RYR2: variants seen among roughly 807,000 people sequenced by gnomAD.
The protein encoded by RYR2 is ryanodine receptor 2, also known as cardiac muscle ryanodine receptor-calcium release channel.
In RYR2, 227 loss-of-function variants were observed where a neutral mutation model predicts 601.1. The observed-to-expected ratio is 0.38, with a 90% CI of 0.34 to 0.42. The LOEUF (loss-of-function observed/expected upper bound fraction) is 0.42. Among genes scored for constraint, RYR2 ranks in the 10% least tolerant of loss-of-function variants. RYR2 has a pLI of 1.00. For missense variants in RYR2, 4,646 were observed against 6,156.5 expected, an observed-to-expected ratio of 0.75 and a Z score of 8.21; for synonymous variants, 2,223 against 2,175.1, an observed-to-expected ratio of 1.02 and a Z score of -0.61.
In RYR2 at chr1:237,628,014, A is replaced by G. The variant is rs1381877182; in HGVS notation, c.6374A>G (p.Gln2125Arg). The G allele has an allele frequency of 1.2e-6, 2 of 1,613,948 alleles. No individual in the cohort carries two copies. Among genetic ancestry groups the G allele is most frequent in the Admixed American group, 3.3e-5 (2 of 59,994 alleles). ...ATCAACCTGCTGGCATCCCTTGGTC[A>G]GATTCGGTCCCTGCTGAGTGTGAGA... ...DTINLLASLG[Q>R]IRSLLSVRMG... Residue 2125 changes from glutamine to arginine, a missense_variant, in exon 41 of 105, where the codon CAG becomes CGG. Coordinates refer to ENST00000366574, the MANE Select transcript of RYR2 (RefSeq NM_001035.3).
intron 1 of RYR2, among the ~76,000 whole-genome samples, chr1:237,107,646 C>T (rs1010867133): frequency 6.6e-6 from 1 of 152,132 alleles, no homozygotes; most frequent in African/African-American, 2.4e-5. Context: ...ATTCCTGGCT[C>T]AGAGTTGGTG....
intron 1 of RYR2, among the ~76,000 whole-genome samples, chr1:237,081,153 A>C (rs1665567981): frequency 8.7e-6 from 1 of 115,052 alleles, no homozygotes. Flanking sequence ...GGGGGGAGGG[A>C]TAGCATTGGA....
chr1:237,112,254 C>T (rs1447748251), intron 1 of RYR2, among the ~76,000 whole-genome samples: 1 of 152,166 alleles, frequency 6.6e-6, no homozygotes, highest in East Asian at 1.9e-4. Context: ...GCTGGGATTA[C>T]AAGCGTCCAC....
At chr1:237,372,421 G>A (rs1700712830) in intron 6 of RYR2, among the ~76,000 whole-genome samples, 2 of 152,168 alleles carry the variant, frequency 1.3e-5, no homozygotes, top group Admixed American at 6.5e-5. Flanking sequence ...GTGAAATGCT[G>A]AAGCCATTTT....
intron 3 of RYR2, among the ~76,000 whole-genome samples, chr1:237,340,142 C>T (rs1229943729): frequency 1.3e-5 from 2 of 152,240 alleles, no homozygotes; most frequent in East Asian, 3.9e-4. Context: ...ATATTTGGGA[C>T]CCTCCATGTT....
rs115831905 is a variant in RYR2 at position 237,236,768 on chromosome 1, G to A, written c.49-33729G>A. 4.5e-3 allele frequency among the ~76,000 whole-genome samples: 689 copies of A among 152,252 alleles called. 7 individuals are homozygous for A. Among genetic ancestry groups the A allele is most frequent in the African/African-American group, 0.015 (642 of 41,546 alleles). On this transcript the variant is annotated intron_variant, in intron 1 of 104. Transcript: ENST00000366574. The stretch of plus-strand genomic sequence containing the variant: ...TGGAAACTCTTAATAATGGGATGGC[G>A]TGCTTTGAGATATCATGTTGAGGAA...
Position 237,566,552 on chromosome 1 carries a change from C to T in RYR2, c.3215-15C>T, listed in dbSNP as rs758554871. On this transcript the variant is annotated splice_polypyrimidine_tract_variant and intron_variant, in intron 27 of 104. Coordinates refer to ENST00000366574, the MANE Select transcript of RYR2 (RefSeq NM_001035.3). ...CCCATCCAATGACCACCAGAAATCT[C>T]TGTCCATTTCCCAGCAGCCAGAGCC... 1 of 1,609,952 alleles carries T rather than the reference C, an allele frequency of 6.2e-7. No homozygotes were observed. The highest frequency in any genetic ancestry group is 8.5e-7 in the Non-Finnish European group (1 of 1,176,724).
rs1299595401 is a variant in RYR2, at chr1:237,054,163, T to TCCTCCCTCCCTCCTTC, written c.48+11606_48+11621dup. On this transcript the variant is annotated intron_variant, in intron 1 of 104. Transcript: ENST00000366574. ...AGATGCCAAAGCCCTTCTTTCTCCT[T>TCCTCCCTCCCTCCTTC]CCTCCCTCCCTCCTTCCCTCCCTCC... Among the ~76,000 whole-genome samples the TCCTCCCTCCCTCCTTC allele has an allele frequency of 3.2e-4, 48 of 151,682 alleles. 1 individual carries two copies. Among genetic ancestry groups the TCCTCCCTCCCTCCTTC allele is most frequent in the African/African-American group, 7.7e-4 (32 of 41,370 alleles).
chr1:237,778,649 G>C lies in RYR2; in HGVS notation c.11776-17G>C. On this transcript the variant is annotated splice_polypyrimidine_tract_variant and intron_variant, in intron 87 of 104. Coordinates refer to ENST00000366574, the MANE Select transcript of RYR2 (RefSeq NM_001035.3). ...AAATTATGAGGAATAATTGCCGTTT[G>C]TCTGTTTATGCTCCAGGGTCCTTGC... is the stretch of plus-strand genomic sequence containing the variant. 1 of 1,386,142 alleles carries C rather than the reference G, an allele frequency of 7.2e-7. No homozygotes were observed. Among genetic ancestry groups the C allele is most frequent in the Non-Finnish European group, 1.0e-6 (1 of 986,718 alleles). 85.9% of individuals were successfully genotyped at this position (1,386,142 alleles called of 1,614,324 possible).
At chr1:237,082,411 A>G (rs559752916) in intron 1 of RYR2, among the ~76,000 whole-genome samples, 2 of 151,566 alleles carry the variant, frequency 1.3e-5, no homozygotes, top group Admixed American at 1.3e-4. Flanking sequence ...TAAAATTGCT[A>G]TTGTCGATGC....
Position 237,705,323 on chromosome 1 carries a change from A to T in RYR2, c.9560A>T (p.Lys3187Met). ...AATATTTACTCCATCTACAATACCA[A>T]GTCTTCACGAGAAAGAGCAGGTAAC... The part of the protein sequence containing the change: ...KHNIYSIYNT[K>M]SSRERAALSL... Residue 3187 changes from lysine to methionine, a missense_variant, in exon 67 of 105, where the codon AAG (lysine) becomes ATG (methionine). Physicochemically the swap from Lys to Met is moderately conservative, Grantham distance 95. Around this residue, in one of 17 missense-constraint regions of RYR2, gnomAD observed 1,497 missense variants for 1,842.6 expected, o/e 0.81. Coordinates refer to ENST00000366574, the MANE Select transcript of RYR2 (RefSeq NM_001035.3). 1.9e-6 allele frequency: 3 copies of T among 1,605,188 alleles called. No homozygotes were observed. The highest frequency in any genetic ancestry group is 1.3e-5 in the African/African-American group (1 of 74,986).
At chr1:237,350,615 A>ATATATATATG (rs1553414165) in intron 3 of RYR2, among the ~76,000 whole-genome samples, 2 of 110,682 alleles carry the variant, frequency 1.8e-5, no homozygotes, top group African/African-American at 7.8e-5. Flanking sequence ...ATATATATAT[A>ATATATATATG]TATATATATA....
At chr1:237,218,520 T>G (rs562049880) in intron 1 of RYR2, among the ~76,000 whole-genome samples, 21 of 152,332 alleles carry the variant, frequency 1.4e-4, no homozygotes, top group African/African-American at 2.9e-4. Context: ...CAGCTTGCTT[T>G]CTTTCTGGCA....
rs1558793119 is a variant in RYR2, at chr1:237,423,238, G to A, written c.995G>A (p.Arg332Gln). 7 of 1,612,398 alleles carry A rather than the reference G, an allele frequency of 4.3e-6. No homozygotes were observed. Among genetic ancestry groups the A allele is most frequent in the African/African-American group, 1.3e-5 (1 of 74,806 alleles). The change falls in exon 12 of 105, where the codon CGG becomes CAG. Residue 332 changes from arginine (R) to glutamine (Q), a missense_variant. By Grantham distance (43) the Arg-to-Gln change is conservative (BLOSUM62 1). Coordinates refer to ENST00000366574, the MANE Select transcript of RYR2 (RefSeq NM_001035.3). The stretch of plus-strand genomic sequence containing the variant: ...GTAAAATCAACAGCATTTACCTTCC[G>A]GTCTTCCAAGGTGAGACAGAAAATA... ...ADVKSTAFTFRSSKEKLDVGV... is the reference protein window; with the variant it reads ...ADVKSTAFTFQSSKEKLDVGV...
chr1:237,218,615 G>A (rs560463164), intron 1 of RYR2, among the ~76,000 whole-genome samples: 2 of 152,208 alleles, frequency 1.3e-5, no homozygotes, highest in Admixed American at 1.3e-4. Context: ...CCTCGTATAG[G>A]AGAAGGTTCA....
rs1688278165 is a variant in RYR2, at chr1:237,705,274, T to G, written c.9511T>G (p.Leu3171Val). The change falls in exon 67 of 105, where the codon TTG becomes GTG. Residue 3171 changes from leucine (L) to valine (V), a missense_variant. By Grantham distance (32) the Leu-to-Val change is conservative. Coordinates refer to ENST00000366574, the MANE Select transcript of RYR2 (RefSeq NM_001035.3). ...AFAGAFPVAF[L>V]ETHLDKHNIY... ...TGCTGGTGCTTTTCCTGTAGCATTT[T>G]TGGAAACTCATCTGGACAAACATAA... The G allele has an allele frequency of 6.2e-7, 1 of 1,606,382 alleles. No individual in the cohort carries two copies. Among genetic ancestry groups the G allele is most frequent in the Non-Finnish European group, 8.5e-7 (1 of 1,175,656 alleles).
intron 25 of RYR2, among the ~76,000 whole-genome samples, chr1:237,540,122 T>C (rs1343417038): frequency 1.3e-5 from 2 of 152,128 alleles, no homozygotes; most frequent in African/African-American, 2.4e-5. Context: ...CTTCCCTCAT[T>C]TATTGCAGCT....
At chr1:237,072,757 G>A (rs1218998342) in intron 1 of RYR2, among the ~76,000 whole-genome samples, 3 of 151,906 alleles carry the variant, frequency 2.0e-5, no homozygotes, top group African/African-American at 7.3e-5. Context: ...GACCAGCTTG[G>A]GCAATATTGC....
chr1:237,483,643 C>T, intron 17 of RYR2, among the ~76,000 whole-genome samples: 1 of 152,174 alleles, frequency 6.6e-6, no homozygotes. Flanking sequence ...GATGGTCTGT[C>T]ACATCCCTAA....
Sources: gnomAD v4.1 joint callset for allele counts (sites outside exome capture counted in the v4.1 genomes callset) on GRCh38, gnomAD v4.1.1 for gene constraint, gnomAD v4.1.1 regional missense constraint, MANE v1.5 for transcripts, NCBI Gene and HGNC (gene_info 2026-07-23, HGNC 2026-07-21) for gene names.